The following ANKRD40 variants were observed in gnomAD, a reference collection of about 807,000 sequenced individuals.
ANKRD40 encodes the protein ankyrin repeat domain-containing protein 40.
A neutral mutation model predicts 35.5 loss-of-function variants in ANKRD40; 24 were observed. The ratio of observed to expected loss-of-function variants is 0.68; its 90% CI spans 0.49 to 0.95. ANKRD40 has a LOEUF of 0.95. Ranked by LOEUF, ANKRD40 falls within the 40% of genes least tolerant of loss-of-function variation. The pLI, the probability that ANKRD40 is intolerant of heterozygous loss-of-function variation, is 0.00. For synonymous variants in ANKRD40, 147 were observed against 173.5 expected (o/e 0.85, Z 1.20); for missense variants, 361 against 436.0 (o/e 0.83, Z 1.53).
chr17:50,698,490 G>A (rs1195393509), intron 3 of ANKRD40, among the ~76,000 whole-genome samples: 1 of 152,016 alleles, frequency 6.6e-6, no homozygotes, highest in Non-Finnish European at 1.5e-5. Context: ...AAGAATGATA[G>A]AAAATCATAT....
At chr17:50,697,909 G>A (rs956153620) in intron 3 of ANKRD40, among the ~76,000 whole-genome samples, 1 of 152,180 alleles carries the variant, frequency 6.6e-6, no homozygotes, top group Admixed American at 6.5e-5. Context: ...AGTAAGACTA[G>A]CTACACCCTA....
chr17:50,696,260 C>T (rs1332982055), intron 4 of ANKRD40, 117 bp from the exon 5 acceptor site: 2 of 1,169,068 alleles, frequency 1.7e-6, no homozygotes, highest in Admixed American at 5.4e-5. Flanking sequence ...AAAAAAAAAT[C>T]CCTGTGGCAG....
In ANKRD40 at chr17:50,707,621, C is replaced by T. The variant is rs757661096; in HGVS notation, c.34G>A (p.Glu12Lys). 41 of 1,599,538 alleles carry T rather than the reference C, an allele frequency of 2.6e-5. No individual in the cohort carries two copies. In the South Asian group the frequency reaches 4.0e-4, roughly 16 times the overall value. ...AAGGCCGCGGCCTCCCGCAGCCTCT[C>T]CTGCTGCTCCTTCTGCTCTAGGAGG... ...NALLEQKEQQ[E>K]RLREAAALGD... Residue 12 changes from glutamate to lysine, a missense_variant, in exon 1 of 5, where the codon GAG (glutamate) becomes AAG (lysine). Around this residue, in one of 5 missense-constraint regions of ANKRD40, gnomAD observed 56 missense variants for 47.1 expected, o/e 1.19. Coordinates refer to ENST00000285243, the MANE Select transcript of ANKRD40 (RefSeq NM_052855.4). The surrounding 1 kb of genome is among the most constrained non-coding windows in gnomAD (Gnocchi z 4.8).
At chr17:50,702,359 C>T (rs1021920241) in intron 1 of ANKRD40, among the ~76,000 whole-genome samples, 6 of 151,302 alleles carry the variant, frequency 4.0e-5, no homozygotes, top group Non-Finnish European at 8.8e-5. Flanking sequence ...AAGATTGTGC[C>T]ACTGCACTTC....
chr17:50,702,524 C>A (rs1338312050), intron 1 of ANKRD40, among the ~76,000 whole-genome samples: 1 of 152,106 alleles, frequency 6.6e-6, no homozygotes, highest in South Asian at 2.1e-4. Context: ...GTGTGGATGT[C>A]TGTGGCACAG....
At position 50,707,679 on chromosome 17, in the gene ANKRD40, C is replaced by A; in HGVS notation, c.-25G>T. 6.9e-7 allele frequency: 1 copy of A among 1,446,994 alleles called. No individual in the cohort carries two copies. Among genetic ancestry groups the A allele is most frequent in the Non-Finnish European group, 9.1e-7 (1 of 1,099,102 alleles). 89.6% of individuals were successfully genotyped at this position (1,446,994 alleles called of 1,614,324 possible). On this transcript the variant is annotated 5_prime_UTR_variant, in exon 1 of 5. Transcript: ENST00000285243. The surrounding 1 kb of genome is among the most constrained non-coding windows in gnomAD (Gnocchi z 4.8). ...TCTTCCCACAGCCCCAGGCCCCCGCCCAGGCCCGCCTGCCCCGCCCCGCCC... is the reference window on the plus strand; with the variant it reads ...TCTTCCCACAGCCCCAGGCCCCCGCACAGGCCCGCCTGCCCCGCCCCGCCC...
chr17:50,703,765 G>A (rs1324018620), intron 1 of ANKRD40, among the ~76,000 whole-genome samples: 1 of 152,082 alleles, frequency 6.6e-6, no homozygotes, highest in Non-Finnish European at 1.5e-5. Context: ...GACCCTGTAG[G>A]CTTTTACTGA....
At chr17:50,706,734 CAAAAAAAAAA>C in intron 1 of ANKRD40, among the ~76,000 whole-genome samples, 1 of 93,626 alleles carries the variant, frequency 1.1e-5, no homozygotes, top group Non-Finnish European at 2.3e-5. Context: ...CCAAAAATAC[CAAAAAAAAAA>C]AAAAAAAAAA....
In ANKRD40 at chr17:50,707,659, C is replaced by A; in HGVS notation, c.-5G>T. Reference sequence around the variant, plus strand: ...CTGCTCTAGGAGGGCGTTCATCTTCCCACAGCCCCAGGCCCCCGCCCAGGC... The same window carrying A: ...CTGCTCTAGGAGGGCGTTCATCTTCACACAGCCCCAGGCCCCCGCCCAGGC... On this transcript the variant is annotated 5_prime_UTR_variant, in exon 1 of 5. Coordinates refer to ENST00000285243, the MANE Select transcript of ANKRD40 (RefSeq NM_052855.4). The surrounding 1 kb of genome is among the most constrained non-coding windows in gnomAD (Gnocchi z 4.8). The A allele has an allele frequency of 6.5e-7, 1 of 1,544,414 alleles. No homozygotes were observed. Among genetic ancestry groups the A allele is most frequent in the Non-Finnish European group, 8.7e-7 (1 of 1,150,112 alleles).
chr17:50,705,120 CAAAAAAA>C (rs56389674), intron 1 of ANKRD40, among the ~76,000 whole-genome samples: 3 of 108,704 alleles, frequency 2.8e-5, no homozygotes, highest in African/African-American at 1.1e-4. Flanking sequence ...GACTCTGTCT[CAAAAAAA>C]AAAAAAAAAA....
chr17:50,707,403 C>T lies in ANKRD40; in HGVS notation c.134+118G>A. On this transcript the variant is annotated intron_variant, in intron 1 of 4. Transcript: ENST00000285243. This position sits in a 1 kb window ranked among gnomAD's most constrained non-coding sequence, Gnocchi z 4.8. ...CTCAAGAGAGCACAATCTCGGAGGC[C>T]CGAGGTGGCAGGCCTCGCCGTAGCC... The T allele has an allele frequency of 4.1e-6, 6 of 1,447,862 alleles. No homozygotes were observed. Among genetic ancestry groups the T allele is most frequent in the South Asian group, 3.8e-5 (3 of 78,114 alleles). 89.7% of individuals were successfully genotyped at this position (1,447,862 alleles called of 1,614,324 possible). A position where few individuals can be genotyped will look rare whatever the true frequency, so the allele number is the denominator to read the frequency against.
Position 50,707,585 on chromosome 17 carries a change from G to GA in ANKRD40, c.69dup (p.Arg24SerfsTer18). 6.2e-7 allele frequency: 1 copy of GA among 1,607,804 alleles called. No homozygotes were observed. The highest frequency in any genetic ancestry group is 8.5e-7 in the Non-Finnish European group (1 of 1,177,080). On this transcript the variant is annotated frameshift_variant, in exon 1 of 5. Transcript: ENST00000285243. LOFTEE classifies it high-confidence loss of function. The surrounding 1 kb of genome is among the most constrained non-coding windows in gnomAD (Gnocchi z 4.8). ...CTCTCCACCAGTTTCTGCACCTCCC[G>GA]AATGTCCCCTAAGGCCGCGGCCTCC...
At chr17:50,705,615 C>T (rs1173145965) in intron 1 of ANKRD40, among the ~76,000 whole-genome samples, 1 of 151,156 alleles carries the variant, frequency 6.6e-6, no homozygotes, top group African/African-American at 2.4e-5. Flanking sequence ...TCCCAAAGTG[C>T]TGGGATTACA....
In ANKRD40 at chr17:50,699,420, C is replaced by G. The variant is rs1321648349; in HGVS notation, c.757G>C (p.Ala253Pro). The G allele has an allele frequency of 1.2e-6, 2 of 1,614,048 alleles. No individual in the cohort carries two copies. Among genetic ancestry groups the G allele is most frequent in the South Asian group, 2.2e-5 (2 of 91,068 alleles). ...PAFQPFFFTGAFPFNMQELVL... is the reference protein window; with the variant it reads ...PAFQPFFFTGPFPFNMQELVL... Reference sequence around the variant, plus strand: ...TTACCTTGCATATTAAATGGAAATGCTCCAGTGAAGAAAAATGGCTGGAAT... The same window carrying G: ...TTACCTTGCATATTAAATGGAAATGGTCCAGTGAAGAAAAATGGCTGGAAT... Residue 253 changes from alanine (A) to proline (P), a missense_variant, in exon 3 of 5, where the codon GCA (alanine) becomes CCA (proline). Physicochemically the swap from Ala to Pro is conservative, Grantham distance 27. This residue lies in a region of ANKRD40 where 93 missense variants were observed against 129.6 expected (regional missense o/e 0.72). Coordinates refer to ENST00000285243, the MANE Select transcript of ANKRD40 (RefSeq NM_052855.4).
chr17:50,705,862 T>C (rs993057782), intron 1 of ANKRD40, among the ~76,000 whole-genome samples: 5 of 151,858 alleles, frequency 3.3e-5, no homozygotes, highest in African/African-American at 7.3e-5. Context: ...GGTTTCACCA[T>C]GTTGGCCAGA....
At position 50,695,185 on chromosome 17, in the gene ANKRD40, C is replaced by CA. The variant is rs1304863027; in HGVS notation, c.*811dup. The CA allele has an allele frequency of 7.4e-6, 1 of 135,578 alleles. No homozygotes were observed. Among genetic ancestry groups the CA allele is most frequent in the African/African-American group, 2.8e-5 (1 of 35,840 alleles). The allele number at this position is 135,578 out of a possible 1,614,324, so 8.4% of individuals were successfully genotyped here. A position where few individuals can be genotyped will look rare whatever the true frequency, so the allele number is the denominator to read the frequency against. ...AGAAGTTTGAGACCAGCCTGGGCCACATAGTGAGACCCTGTCTCTATGGGC... is the reference window on the plus strand; with the variant it reads ...AGAAGTTTGAGACCAGCCTGGGCCACAATAGTGAGACCCTGTCTCTATGGGC... On this transcript the variant is annotated 3_prime_UTR_variant, in exon 5 of 5. Coordinates refer to ENST00000285243, the MANE Select transcript of ANKRD40 (RefSeq NM_052855.4).
intron 1 of ANKRD40, among the ~76,000 whole-genome samples, chr17:50,703,705 A>G (rs967230802): frequency 6.6e-6 from 1 of 152,192 alleles, no homozygotes; most frequent in Non-Finnish European, 1.5e-5. Flanking sequence ...CCATGAGATT[A>G]GCACAGAGGT....
intron 3 of ANKRD40, 99 bp downstream of exon 3, chr17:50,699,300 T>G: frequency 6.8e-7 from 1 of 1,461,302 alleles, no homozygotes; most frequent in South Asian, 1.4e-5. Flanking sequence ...ATGTAACGTT[T>G]CTGTAAGTTT....
rs1207051623 is a variant in ANKRD40, at chr17:50,694,930, A to C, written c.*1067T>G. ...TCCTTTAGCTCAGTTTCCCACAATA[A>C]CCTTTAAAATAGCAACAGATTCAGT... On this transcript the variant is annotated 3_prime_UTR_variant, in exon 5 of 5. Transcript: ENST00000285243. 6.6e-6 allele frequency: 1 copy of C among 152,224 alleles called. No homozygotes were observed. Among genetic ancestry groups the C allele is most frequent in the Non-Finnish European group, 1.5e-5 (1 of 68,044 alleles). The allele number at this position is 152,224 out of a possible 1,614,324, so 9.4% of individuals were successfully genotyped here. A position where few individuals can be genotyped will look rare whatever the true frequency, so the allele number is the denominator to read the frequency against.
Sources: gnomAD v4.1 joint callset for allele counts (sites outside exome capture counted in the v4.1 genomes callset) on GRCh38, gnomAD v4.1.1 for gene constraint, gnomAD v4.1.1 regional missense constraint, Gnocchi (gnomAD v3.1) non-coding constraint, MANE v1.5 for transcripts, NCBI Gene and HGNC (gene_info 2026-07-23, HGNC 2026-07-21) for gene names.